GALNTL6: variants seen among roughly 807,000 people sequenced by gnomAD.
GALNTL6 encodes polypeptide N-acetylgalactosaminyltransferase-like 6.
GALNTL6 carries 46 observed loss-of-function variants against 73.7 expected under a neutral mutation model. The ratio of observed to expected loss-of-function variants is 0.62; its 90% CI spans 0.49 to 0.80. GALNTL6 has a LOEUF of 0.80. GALNTL6 is among the 30% of genes least tolerant of loss of function. GALNTL6 has a pLI of 0.00. For synonymous variants in GALNTL6, 259 were observed against 263.7 expected (o/e 0.98, Z 0.17); for missense variants, 604 against 755.0 (o/e 0.80, Z 2.34).
chr4:172,275,608 T>C (rs1738801274), intron 3 of GALNTL6, among the ~76,000 whole-genome samples: 1 of 152,188 alleles, frequency 6.6e-6, no homozygotes, highest in African/African-American at 2.4e-5. Flanking sequence ...TGATTACTTA[T>C]TAAAAGGCTT....
At chr4:172,431,362 G>A (rs1197600966) in intron 5 of GALNTL6, among the ~76,000 whole-genome samples, 4 of 152,162 alleles carry the variant, frequency 2.6e-5, no homozygotes, top group East Asian at 3.9e-4. Flanking sequence ...CAAAATAATC[G>A]ACTTATTTAT....
rs532800294 is a variant in GALNTL6, at chr4:172,699,680, G to A, written c.554-109681G>A. 2.6e-5 allele frequency among the ~76,000 whole-genome samples: 4 copies of A among 152,326 alleles called. No individual in the cohort carries two copies. The South Asian group carries it at 8.3e-4, about 32-fold the overall frequency. Reference sequence around the variant, plus strand: ...GTGACCAGATACTATAATCATGAGAGAAGGCACAGCTACAAAGAGTTAAGA... The same window carrying A: ...GTGACCAGATACTATAATCATGAGAAAAGGCACAGCTACAAAGAGTTAAGA... On this transcript the variant is annotated intron_variant, in intron 5 of 12. Transcript: ENST00000506823.
At chr4:172,515,849 A>G (rs1367200276) in intron 5 of GALNTL6, among the ~76,000 whole-genome samples, 1 of 152,212 alleles carries the variant, frequency 6.6e-6, no homozygotes, top group Non-Finnish European at 1.5e-5. Context: ...AGGATGGCAC[A>G]GCACGGCATT....
At chr4:171,935,967 A>G (rs1048076976) in intron 2 of GALNTL6, among the ~76,000 whole-genome samples, 1 of 152,186 alleles carries the variant, frequency 6.6e-6, no homozygotes, top group Non-Finnish European at 1.5e-5. Context: ...GTGAAGCCAT[A>G]CTAATAATAT....
chr4:172,512,776 C>T (rs1363252528), intron 5 of GALNTL6, among the ~76,000 whole-genome samples: 1 of 152,194 alleles, frequency 6.6e-6, no homozygotes, highest in East Asian at 1.9e-4. Flanking sequence ...GTACCCCCAT[C>T]TCTTCTAGCT....
intron 2 of GALNTL6, among the ~76,000 whole-genome samples, chr4:171,836,225 A>T (rs1735091965): frequency 6.6e-6 from 1 of 152,078 alleles, no homozygotes. Context: ...ATATAAAAAT[A>T]GTTGGCACAT....
At chr4:171,972,945 T>A (rs1361768874) in intron 2 of GALNTL6, among the ~76,000 whole-genome samples, 3 of 152,200 alleles carry the variant, frequency 2.0e-5, no homozygotes, top group African/African-American at 7.2e-5. Context: ...TAAAAAGGAA[T>A]TGTGTCAGAA....
intron 2 of GALNTL6, among the ~76,000 whole-genome samples, chr4:172,127,220 A>G (rs1395507582): frequency 6.6e-6 from 1 of 152,220 alleles, no homozygotes; most frequent in Admixed American, 6.5e-5. Context: ...CACAGCATGT[A>G]GGGGCCTGAA....
chr4:172,565,525 T>A (rs1260324626), intron 5 of GALNTL6, among the ~76,000 whole-genome samples: 2 of 152,210 alleles, frequency 1.3e-5, no homozygotes, highest in African/African-American at 4.8e-5. Context: ...TTGAGGATAT[T>A]TGCATCTATG....
intron 2 of GALNTL6, among the ~76,000 whole-genome samples, chr4:172,074,228 A>G (rs575343542): frequency 1.4e-4 from 21 of 152,308 alleles, no homozygotes; most frequent in Non-Finnish European, 8.8e-5. Context: ...TTCCTTAACA[A>G]TGTTCATTGT....
chr4:172,058,204 T>C (rs1731089651), intron 2 of GALNTL6, among the ~76,000 whole-genome samples: 1 of 151,870 alleles, frequency 6.6e-6, no homozygotes, highest in African/African-American at 2.4e-5. Flanking sequence ...CAAGTGATCT[T>C]CCTGTCTCCA....
intron 3 of GALNTL6, among the ~76,000 whole-genome samples, chr4:172,265,879 G>A (rs1403457508): frequency 6.6e-6 from 1 of 151,824 alleles, no homozygotes; most frequent in Non-Finnish European, 1.5e-5. Flanking sequence ...GTGATTTACA[G>A]CTCAAAACTG....
chr4:172,170,614 G>A (rs1038104977), intron 2 of GALNTL6, among the ~76,000 whole-genome samples: 1 of 148,140 alleles, frequency 6.8e-6, no homozygotes, highest in African/African-American at 2.5e-5. Context: ...CCGAGTTCAA[G>A]TTATTCTGGT....
intron 5 of GALNTL6, among the ~76,000 whole-genome samples, chr4:172,674,342 T>A (rs1732158114): frequency 6.6e-6 from 1 of 152,212 alleles, no homozygotes; most frequent in Non-Finnish European, 1.5e-5. Flanking sequence ...ACCATTAAAC[T>A]CATGAGCTTT....
At position 172,894,791 on chromosome 4, in the gene GALNTL6, A is replaced by G. The variant is rs9968465; in HGVS notation, c.1041+11884A>G. On this transcript the variant is annotated intron_variant, in intron 8 of 12. Coordinates refer to ENST00000506823, the MANE Select transcript of GALNTL6 (RefSeq NM_001034845.3). Reference sequence around the variant, plus strand: ...CAATGGGGTGTTGAAGTATTCTACTATTATTGTATTGCATTCTATCTGTCC... The same window carrying G: ...CAATGGGGTGTTGAAGTATTCTACTGTTATTGTATTGCATTCTATCTGTCC... 8.2e-3 allele frequency among the ~76,000 whole-genome samples: 1,252 copies of G among 152,180 alleles called. 19 individuals are homozygous for G. The highest frequency in any genetic ancestry group is 0.028 in the African/African-American group (1,172 of 41,520).
intron 7 of GALNTL6, among the ~76,000 whole-genome samples, chr4:172,833,297 T>C (rs1742739857): frequency 6.6e-6 from 1 of 152,146 alleles, no homozygotes; most frequent in African/African-American, 2.4e-5. Context: ...TGATAGTTTG[T>C]AGAAAAACTG....
At chr4:171,969,664 C>T (rs1739501118) in intron 2 of GALNTL6, among the ~76,000 whole-genome samples, 1 of 152,086 alleles carries the variant, frequency 6.6e-6, no homozygotes, top group South Asian at 2.1e-4. Context: ...AAAAACTAGT[C>T]GTCAGCCTTG....
At chr4:172,538,471 A>G (rs1735431404) in intron 5 of GALNTL6, among the ~76,000 whole-genome samples, 1 of 150,998 alleles carries the variant, frequency 6.6e-6, no homozygotes, top group Non-Finnish European at 1.5e-5. Context: ...AAAAAACAAA[A>G]CAAAACAAAA....
intron 5 of GALNTL6, among the ~76,000 whole-genome samples, chr4:172,449,328 A>T (rs1419297249): frequency 1.3e-5 from 2 of 152,184 alleles, no homozygotes; most frequent in African/African-American, 4.8e-5. Context: ...TACCACCATT[A>T]TGAAGGTATA....
Sources: allele counts gnomAD v4.1 joint callset (sites outside exome capture counted in the v4.1 genomes callset), GRCh38; gene constraint gnomAD v4.1.1; transcripts MANE v1.5; gene names NCBI Gene and HGNC (gene_info 2026-07-23, HGNC 2026-07-21).